Variants in ENOX1 observed in about 807,000 individuals in gnomAD.
ENOX1 encodes ecto-NOX disulfide-thiol exchanger 1, also known as candidate growth-related and time keeping constitutive hydroquinone (NADH) oxidase.
ENOX1 carries 42 observed loss-of-function variants against 82.5 expected under a neutral mutation model. The observed-to-expected ratio is 0.51, with a 90% CI of 0.40 to 0.66. The LOEUF (loss-of-function observed/expected upper bound fraction) is 0.66. Ranked by LOEUF, ENOX1 falls within the 30% of genes least tolerant of loss-of-function variation. ENOX1 has a pLI of 0.00. For synonymous variants in ENOX1, 271 were observed against 282.2 expected, an observed-to-expected ratio of 0.96 and a Z score of 0.40; for missense variants, 608 against 811.6, an observed-to-expected ratio of 0.75 and a Z score of 3.05.
At chr13:43,592,273 A>G (rs2081278311) in intron 2 of ENOX1, among the ~76,000 whole-genome samples, 1 of 152,220 alleles carries the variant, frequency 6.6e-6, no homozygotes, top group Admixed American at 6.5e-5. Context: ...CTATTTGTCA[A>G]CTAATCAATA....
intron 2 of ENOX1, among the ~76,000 whole-genome samples, chr13:43,580,105 G>A (rs1409593153): frequency 6.6e-6 from 1 of 152,148 alleles, no homozygotes; most frequent in Non-Finnish European, 1.5e-5. Context: ...ATGAGAATGA[G>A]TCAATGGGCT....
At chr13:43,417,599 TTTTA>T (rs1488950513) in intron 3 of ENOX1, among the ~76,000 whole-genome samples, 2 of 152,338 alleles carry the variant, frequency 1.3e-5, no homozygotes, top group African/African-American at 4.8e-5. Context: ...TCTGCCTTAG[TTTTA>T]TTATTTCTAA....
intron 1 of ENOX1, among the ~76,000 whole-genome samples, chr13:43,720,492 C>T (rs1594562038): frequency 6.6e-6 from 1 of 152,198 alleles, no homozygotes; most frequent in East Asian, 1.9e-4. Flanking sequence ...CTTCCATTTG[C>T]TTTGAATTGG....
chr13:43,233,561 A>G (rs1162205926), intron 15 of ENOX1, among the ~76,000 whole-genome samples: 1 of 152,214 alleles, frequency 6.6e-6, no homozygotes, highest in African/African-American at 2.4e-5. Flanking sequence ...ATATGTAACT[A>G]GAATTGCTCA....
At chr13:43,693,771 T>G (rs1244818529) in intron 1 of ENOX1, among the ~76,000 whole-genome samples, 1 of 152,170 alleles carries the variant, frequency 6.6e-6, no homozygotes, top group East Asian at 1.9e-4. Context: ...ATCATGTCTA[T>G]GATTAGCCAA....
intron 2 of ENOX1, among the ~76,000 whole-genome samples, chr13:43,646,936 A>G (rs764212846): frequency 3.9e-5 from 6 of 152,258 alleles, no homozygotes; most frequent in Non-Finnish European, 7.3e-5. Flanking sequence ...GGCTCAATGA[A>G]TTGAAGTGGC....
chr13:43,739,021 TA>T (rs1477866961), intron 1 of ENOX1, among the ~76,000 whole-genome samples: 3 of 152,086 alleles, frequency 2.0e-5, no homozygotes, highest in Non-Finnish European at 2.9e-5. Context: ...CACACTAAAA[TA>T]AAAAAACTAT....
intron 2 of ENOX1, among the ~76,000 whole-genome samples, chr13:43,525,104 T>C (rs1324554358): frequency 6.6e-6 from 1 of 152,150 alleles, no homozygotes; most frequent in African/African-American, 2.4e-5. Context: ...TAAATTGTGG[T>C]AAAACACACT....
At chr13:43,277,622 G>A (rs773895403) in intron 12 of ENOX1, among the ~76,000 whole-genome samples, 12 of 152,252 alleles carry the variant, frequency 7.9e-5, no homozygotes, top group South Asian at 2.1e-4. Flanking sequence ...GATGCACACT[G>A]TGTGCGTACA....
At chr13:43,723,184 C>T (rs1196172213) in intron 1 of ENOX1, among the ~76,000 whole-genome samples, 3 of 152,042 alleles carry the variant, frequency 2.0e-5, no homozygotes. Flanking sequence ...CACTTTTGTC[C>T]CATTTGAAGA....
At chr13:43,645,641 A>G (rs1594241994) in intron 2 of ENOX1, among the ~76,000 whole-genome samples, 1 of 152,350 alleles carries the variant, frequency 6.6e-6, no homozygotes, top group Middle Eastern at 3.4e-3. Context: ...GGAAGTTCTG[A>G]ACTCCATGGA....
chr13:43,373,869 G>T (rs1292471672), intron 5 of ENOX1, among the ~76,000 whole-genome samples: 1 of 152,156 alleles, frequency 6.6e-6, no homozygotes. Context: ...ATCCTTTTGA[G>T]CTGAGTGCAA....
intron 2 of ENOX1, among the ~76,000 whole-genome samples, chr13:43,553,039 A>G (rs1016396245): frequency 1.3e-5 from 2 of 152,108 alleles, no homozygotes; most frequent in African/African-American, 4.8e-5. Context: ...GATATTCTGT[A>G]TGGGGAAATA....
At chr13:43,635,099 A>T (rs2083364110) in intron 2 of ENOX1, among the ~76,000 whole-genome samples, 1 of 152,236 alleles carries the variant, frequency 6.6e-6, no homozygotes, top group African/African-American at 2.4e-5. Context: ...GCATTAACGA[A>T]CACAGAAAGC....
chr13:43,351,570 T>TC (rs978086194), intron 8 of ENOX1, among the ~76,000 whole-genome samples: 1 of 88,942 alleles, frequency 1.1e-5, no homozygotes, highest in East Asian at 3.7e-4. Flanking sequence ...ATGCTATCCC[T>TC]CCCCCCTCCC....
Position 43,325,689 on chromosome 13 carries a change from C to T in ENOX1, c.1143+730G>A, listed in dbSNP as rs139313423. 9.8e-3 allele frequency among the ~76,000 whole-genome samples: 1,494 copies of T among 152,122 alleles called. 21 individuals are homozygous for T. Among genetic ancestry groups the T allele is most frequent in the African/African-American group, 0.035 (1,433 of 41,452 alleles). On this transcript the variant is annotated intron_variant, in intron 10 of 16. Transcript: ENST00000690772. ...GAGAGGCATCCAAATGAAAAACATTCTTTCATTAAAAAAAAGAAGCAAAGA... is the reference window on the plus strand; with the variant it reads ...GAGAGGCATCCAAATGAAAAACATTTTTTCATTAAAAAAAAGAAGCAAAGA...
chr13:43,740,194 G>A (rs1261727449), intron 1 of ENOX1, among the ~76,000 whole-genome samples: 1 of 152,128 alleles, frequency 6.6e-6, no homozygotes, highest in Admixed American at 6.6e-5. Flanking sequence ...CAGAAATGAG[G>A]CCATGTGCCT....
At chr13:43,575,536 C>T (rs575809356) in intron 2 of ENOX1, among the ~76,000 whole-genome samples, 1 of 152,266 alleles carries the variant, frequency 6.6e-6, no homozygotes, top group Non-Finnish European at 1.5e-5. Flanking sequence ...TCCTGAACAA[C>T]TTGTTTTATT....
In ENOX1 at chr13:43,361,386, G is replaced by C. The variant is rs2050494425; in HGVS notation, c.275C>G (p.Pro92Arg). ...TACCAGTCCAAGGCCTGGTATCATTGGGTTAATGGGGGTGATTCCAGTCAT... is the reference window on the plus strand; with the variant it reads ...TACCAGTCCAAGGCCTGGTATCATTCGGTTAATGGGGGTGATTCCAGTCAT... ...NMMTGITPINPMIPGLGLVPP... is the reference protein window; with the variant it reads ...NMMTGITPINRMIPGLGLVPP... Residue 92 changes from proline (P) to arginine (R), a missense_variant, in exon 6 of 17, where the codon CCA becomes CGA. Physicochemically the swap from Pro to Arg is moderately radical, Grantham distance 103. Transcript: ENST00000690772. 1 of 1,613,122 alleles carries C rather than the reference G, an allele frequency of 6.2e-7. No homozygotes were observed. Among genetic ancestry groups the C allele is most frequent in the Admixed American group, 1.7e-5 (1 of 59,766 alleles).
Sources: allele counts gnomAD v4.1 joint callset (sites outside exome capture counted in the v4.1 genomes callset), GRCh38; gene constraint gnomAD v4.1.1; transcripts MANE v1.5; gene names NCBI Gene and HGNC (gene_info 2026-07-23, HGNC 2026-07-21).